Variants in KMT2A observed in about 807,000 individuals in gnomAD.
KMT2A encodes the protein histone-lysine N-methyltransferase 2A.
In KMT2A, 16 loss-of-function variants were observed where a neutral mutation model predicts 345.3. The ratio of observed to expected loss-of-function variants is 0.05; its 90% CI spans 0.03 to 0.07. The LOEUF is 0.07. Among genes scored for constraint, KMT2A ranks in the 10% least tolerant of loss-of-function variants. The pLI is 1.00. For synonymous variants in KMT2A, 1,599 were observed against 1,778.6 expected, an observed-to-expected ratio of 0.90 and a Z score of 2.54; for missense variants, 3,272 against 4,841.6, an observed-to-expected ratio of 0.68 and a Z score of 9.62.
chr11:118,446,894 C>T (rs782373169), intron 1 of KMT2A, among the ~76,000 whole-genome samples: 8 of 152,146 alleles, frequency 5.3e-5, no homozygotes, highest in Admixed American at 1.3e-4. Flanking sequence ...AATTTTGAAC[C>T]GTGTCTCCTG....
In KMT2A at chr11:118,474,078, C is replaced by T; in HGVS notation, c.2919C>T (p.Asn973=). ...GGAGAGGAAATCTGGAAAAAACCAACTTGGACCTCGGCCCAACTGCCCCAT... is the reference window on the plus strand; with the variant it reads ...GGAGAGGAAATCTGGAAAAAACCAATTTGGACCTCGGCCCAACTGCCCCAT... ...KKGRGNLEKT[N]LDLGPTAPSL... Residue 973 remains asparagine (N), a synonymous_variant, in exon 3 of 36, where the codon AAC becomes AAT. Transcript: ENST00000534358. The T allele has an allele frequency of 1.2e-6, 2 of 1,614,026 alleles. No homozygotes were observed. Among genetic ancestry groups the T allele is most frequent in the South Asian group, 1.1e-5 (1 of 91,072 alleles).
chr11:118,504,281 C>A lies in KMT2A; in HGVS notation c.8389C>A (p.Gln2797Lys), dbSNP rs1555047189. ...HSVSRVKTQGQDSLEAQLSSL... is the reference protein window; with the variant it reads ...HSVSRVKTQGKDSLEAQLSSL... ...TGTAAGCAGAGTTAAAACACAGGGA[C>A]AAGATTCCTTGGAAGCTCAGCTCAG... is the stretch of plus-strand genomic sequence containing the variant. Residue 2797 changes from glutamine to lysine, a missense_variant, in exon 27 of 36, where the codon CAA (glutamine) becomes AAA (lysine). Physicochemically the swap from Gln to Lys is moderately conservative, Grantham distance 53. Around this residue, in one of 27 missense-constraint regions of KMT2A, gnomAD observed 100 missense variants for 101.3 expected, o/e 0.99. Coordinates refer to ENST00000534358, the MANE Select transcript of KMT2A (RefSeq NM_001197104.2). The surrounding 1 kb of genome is among the most constrained non-coding windows in gnomAD (Gnocchi z 6.4). 6.2e-7 allele frequency: 1 copy of A among 1,614,102 alleles called. No homozygotes were observed. Among genetic ancestry groups the A allele is most frequent in the Non-Finnish European group, 8.5e-7 (1 of 1,180,034 alleles).
chr11:118,465,153 G>A (rs530496789), intron 1 of KMT2A, among the ~76,000 whole-genome samples: 196 of 152,208 alleles, frequency 1.3e-3, no homozygotes, highest in Non-Finnish European at 2.1e-3. Context: ...CAGGAGAATC[G>A]CTTGAACCCA....
chr11:118,469,211 G>A (rs1220670108), intron 2 of KMT2A, among the ~76,000 whole-genome samples: 1 of 140,192 alleles, frequency 7.1e-6, no homozygotes, highest in Non-Finnish European at 1.5e-5. Context: ...TTTCTCTCTG[G>A]GAACTACTTG....
chr11:118,437,388 G>A (rs1949212322), intron 1 of KMT2A, among the ~76,000 whole-genome samples: 1 of 151,156 alleles, frequency 6.6e-6, no homozygotes, highest in South Asian at 2.1e-4. Flanking sequence ...GCGTCTCTCG[G>A]GTGATGGCCT....
chr11:118,489,954 T>C, intron 12 of KMT2A, 67 bp downstream of exon 12: 1 of 1,478,280 alleles, frequency 6.8e-7, no homozygotes, highest in Non-Finnish European at 9.4e-7. Flanking sequence ...ATGTAACTTG[T>C]ATTACAAATA....
Position 118,490,072 on chromosome 11 carries a change from T to TA in KMT2A, c.4576-55dup. 6.5e-7 allele frequency: 1 copy of TA among 1,538,646 alleles called. No homozygotes were observed. The highest frequency in any genetic ancestry group is 1.2e-5 in the South Asian group (1 of 82,846). The stretch of plus-strand genomic sequence containing the variant: ...TGGATGCATTTAAGATCTTTTTAGT[T>TA]AAGTAAAGATATTAAAAACAAGAAA... On this transcript the variant is annotated intron_variant, in intron 12 of 35. Coordinates refer to ENST00000534358, the MANE Select transcript of KMT2A (RefSeq NM_001197104.2). The surrounding 1 kb of genome is among the most constrained non-coding windows in gnomAD (Gnocchi z 4.2).
At chr11:118,438,240 C>A (rs1186215579) in intron 1 of KMT2A, among the ~76,000 whole-genome samples, 1 of 152,028 alleles carries the variant, frequency 6.6e-6, no homozygotes. Context: ...TAAGGGGACC[C>A]AAGGTGGATG....
At chr11:118,508,764 C>T (rs1379830951) in intron 28 of KMT2A, among the ~76,000 whole-genome samples, 1 of 150,456 alleles carries the variant, frequency 6.6e-6, no homozygotes, top group African/African-American at 2.4e-5. Context: ...GGTTTATAAG[C>T]TCATGCAGCT....
Position 118,503,919 on chromosome 11 carries a change from C to T in KMT2A, c.8027C>T (p.Thr2676Ile). Residue 2676 changes from threonine to isoleucine, a missense_variant, in exon 27 of 36, where the codon ACT becomes ATT. By Grantham distance (89) the Thr-to-Ile change is moderately conservative. Coordinates refer to ENST00000534358, the MANE Select transcript of KMT2A (RefSeq NM_001197104.2). The surrounding 1 kb of genome is among the most constrained non-coding windows in gnomAD (Gnocchi z 5.3). Reference sequence around the variant, plus strand: ...GTGGATGGGGCCGATGACTTAAGCACTTCAGATGAAGACGACTTATACTAT... The same window carrying T: ...GTGGATGGGGCCGATGACTTAAGCATTTCAGATGAAGACGACTTATACTAT... ...GQVDGADDLS[T>I]SDEDDLYYYN... 6.2e-7 allele frequency: 1 copy of T among 1,614,196 alleles called. No homozygotes were observed. The highest frequency in any genetic ancestry group is 8.5e-7 in the Non-Finnish European group (1 of 1,180,034).
In KMT2A at chr11:118,524,041, TC is replaced by T. The variant is rs1437163460; in HGVS notation, c.*1870del. On this transcript the variant is annotated 3_prime_UTR_variant, in exon 36 of 36. Transcript: ENST00000534358. ...TTACATTTCCCTCATCTTTCTTACT[TC>T]AGAGTTAGCAAACAACAAGTTGAAT... 2 of 196,338 alleles carry T rather than the reference TC, an allele frequency of 1.0e-5. No individual in the cohort carries two copies. The highest frequency in any genetic ancestry group is 2.1e-5 in the Non-Finnish European group (2 of 94,382). The allele number at this position is 196,338 out of a possible 1,614,324, so 12.2% of individuals were successfully genotyped here.
At position 118,496,954 on chromosome 11, in the gene KMT2A, A is replaced by T. The variant is rs7103001; in HGVS notation, c.5664+587A>T. Among the ~76,000 whole-genome samples the T allele has an allele frequency of 0.042, 6,362 of 152,146 alleles. 186 individuals are homozygous for T. The highest frequency in any genetic ancestry group is 0.069 in the South Asian group (330 of 4,814). ...ACACACAGTAAGCTACAATTTTTTT[A>T]AAAGTTTTTTGTGTTTTTTGTTTTG... On this transcript the variant is annotated intron_variant, in intron 20 of 35. Transcript: ENST00000534358. This position sits in a 1 kb window ranked among gnomAD's most constrained non-coding sequence, Gnocchi z 4.7.
Position 118,504,166 on chromosome 11 carries a change from T to C in KMT2A, c.8274T>C (p.Ile2758=), listed in dbSNP as rs781867752. ...AAAATGGAACAGAGAACTTAAAGAT[T>C]GATAGACCTGAAGATGCTGGGGAGA... ...GKENGTENLK[I]DRPEDAGEKE... Residue 2758 remains isoleucine (I), a synonymous_variant, in exon 27 of 36, where the codon ATT becomes ATC. Coordinates refer to ENST00000534358, the MANE Select transcript of KMT2A (RefSeq NM_001197104.2). The surrounding 1 kb of genome is among the most constrained non-coding windows in gnomAD (Gnocchi z 6.4). 4.3e-6 allele frequency: 7 copies of C among 1,614,084 alleles called. No homozygotes were observed. The highest frequency in any genetic ancestry group is 5.9e-6 in the Non-Finnish European group (7 of 1,180,012).
chr11:118,465,500 C>T (rs1272091336), intron 1 of KMT2A, among the ~76,000 whole-genome samples: 1 of 152,080 alleles, frequency 6.6e-6, no homozygotes, highest in Non-Finnish European at 1.5e-5. Context: ...CTATAGCTTT[C>T]CAAGTGATTT....
chr11:118,468,313 C>G (rs2134247986), intron 1 of KMT2A, among the ~76,000 whole-genome samples: 1 of 152,264 alleles, frequency 6.6e-6, no homozygotes, highest in Non-Finnish European at 1.5e-5. Flanking sequence ...CTTTCAGTCT[C>G]TATTAATATT....
rs1221611874 is a variant in KMT2A at position 118,510,960 on chromosome 11, T to G, written c.11071+842T>G. On this transcript the variant is annotated intron_variant, in intron 30 of 35. Coordinates refer to ENST00000534358, the MANE Select transcript of KMT2A (RefSeq NM_001197104.2). The surrounding 1 kb of genome is among the most constrained non-coding windows in gnomAD (Gnocchi z 4.1). The stretch of plus-strand genomic sequence containing the variant: ...GTTAGAAAGGCAGGACTGCATTTGG[T>G]GGGTTTAGAGTAGTGTCAGGTGAGA... 5.3e-5 allele frequency among the ~76,000 whole-genome samples: 8 copies of G among 152,132 alleles called. No individual in the cohort carries two copies. Among genetic ancestry groups the G allele is most frequent in the Admixed American group, 4.6e-4 (7 of 15,266 alleles).
chr11:118,493,322 A>G lies in KMT2A; in HGVS notation c.5178+92A>G. 2.0e-6 allele frequency: 2 copies of G among 997,984 alleles called. No homozygotes were observed. Among genetic ancestry groups the G allele is most frequent in the Non-Finnish European group, 3.0e-6 (2 of 675,516 alleles). The allele number at this position is 997,984 out of a possible 1,614,324, so 61.8% of individuals were successfully genotyped here. On this transcript the variant is annotated intron_variant, in intron 16 of 35. Coordinates refer to ENST00000534358, the MANE Select transcript of KMT2A (RefSeq NM_001197104.2). The surrounding 1 kb of genome is among the most constrained non-coding windows in gnomAD (Gnocchi z 5.8). The stretch of plus-strand genomic sequence containing the variant: ...TGAAACTGAGTATAAGTAAATTTAA[A>G]AATGAATTGTATTATATTTAGAAAT...
Position 118,499,331 on chromosome 11 carries a change from T to C in KMT2A, c.5990T>C (p.Phe1997Ser). Residue 1997 changes from phenylalanine to serine, a missense_variant, in exon 23 of 36, where the codon TTC becomes TCC. Coordinates refer to ENST00000534358, the MANE Select transcript of KMT2A (RefSeq NM_001197104.2). ...EVVPENGFEVFRRVFVDFEGI... is the reference protein window; with the variant it reads ...EVVPENGFEVSRRVFVDFEGI... ...GTTCCTGAGAATGGATTTGAAGTTT[T>C]CAGAAGAGTGTTTGTGGACTTTGAA... is the stretch of plus-strand genomic sequence containing the variant. 1 of 1,613,824 alleles carries C rather than the reference T, an allele frequency of 6.2e-7. No homozygotes were observed. The highest frequency in any genetic ancestry group is 1.1e-5 in the South Asian group (1 of 91,080).
intron 24 of KMT2A, 37 bp downstream of exon 24, chr11:118,499,950 A>G: frequency 7.2e-7 from 1 of 1,388,382 alleles, no homozygotes; most frequent in Non-Finnish European, 1.0e-6. Flanking sequence ...GCAGCCCCAC[A>G]ACCTGAACAC....
Sources: gnomAD v4.1 joint callset for allele counts (sites outside exome capture counted in the v4.1 genomes callset) on GRCh38, gnomAD v4.1.1 for gene constraint, gnomAD v4.1.1 regional missense constraint, Gnocchi (gnomAD v3.1) non-coding constraint, MANE v1.5 for transcripts, NCBI Gene and HGNC (gene_info 2026-07-23, HGNC 2026-07-21) for gene names.